Variants in FREM1 observed in about 807,000 individuals in gnomAD.
FREM1 encodes FRAS1 related extracellular matrix 1, also known as FRAS1-related extracellular matrix protein 1.
In FREM1, 220 loss-of-function variants were observed where a neutral mutation model predicts 210.1. That is an observed-to-expected ratio of 1.05 (90% confidence interval 0.94 to 1.17). The LOEUF (loss-of-function observed/expected upper bound fraction) is 1.17. FREM1 is among the 50% of genes most tolerant of loss of function. FREM1 has a pLI of 0.00. For synonymous variants in FREM1, 1,189 were observed against 980.2 expected (o/e 1.21, Z -3.98); for missense variants, 3,454 against 2,675.5 (o/e 1.29, Z -6.42).
chr9:14,863,838 A>C lies in FREM1; in HGVS notation c.300T>G (p.Asp100Glu), dbSNP rs777278448. The C allele has an allele frequency of 6.2e-7, 1 of 1,613,262 alleles. No individual in the cohort carries two copies. The highest frequency in any genetic ancestry group is 8.5e-7 in the Non-Finnish European group (1 of 1,179,250). ...AAAGTCTGAGCTTCACTGTGTCTTC[A>C]TCAAGAATTGGACAACCATTGTGAA... The part of the protein sequence containing the change: ...KYVHNGCPIL[D>E]EDTVKLRLYR... The change falls in exon 3 of 37, where the codon GAT (aspartate) becomes GAG (glutamate). Residue 100 changes from aspartate to glutamate, a missense_variant. By Grantham distance (45) the Asp-to-Glu change is conservative. Transcript: ENST00000380880.
intron 22 of FREM1, among the ~76,000 whole-genome samples, chr9:14,791,928 C>T (rs373032431): frequency 3.3e-5 from 5 of 152,062 alleles, no homozygotes; most frequent in East Asian, 1.9e-4. Flanking sequence ...TCCCCCCTCT[C>T]CCGGGTTCAA....
intron 15 of FREM1, among the ~76,000 whole-genome samples, chr9:14,815,955 G>A (rs946252671): frequency 1.8e-4 from 28 of 152,008 alleles, no homozygotes; most frequent in African/African-American, 6.5e-4. Flanking sequence ...CTCTGCACTC[G>A]AATTTTATGT....
chr9:14,831,469 A>T (rs1823542467), intron 10 of FREM1, among the ~76,000 whole-genome samples: 1 of 152,216 alleles, frequency 6.6e-6, no homozygotes, highest in African/African-American at 2.4e-5. Flanking sequence ...CGTCTTCTGC[A>T]GCCAAATTTT....
chr9:14,782,514 G>C (rs1264145301), intron 24 of FREM1, among the ~76,000 whole-genome samples: 1 of 152,166 alleles, frequency 6.6e-6, no homozygotes, highest in Non-Finnish European at 1.5e-5. Context: ...GAAGCTAGAA[G>C]TTCCAGAAAT....
At chr9:14,861,597 C>T (rs566927235) in intron 3 of FREM1, among the ~76,000 whole-genome samples, 1 of 150,476 alleles carries the variant, frequency 6.6e-6, no homozygotes, top group East Asian at 1.9e-4. Context: ...ACCTCTGCCT[C>T]CCAGGTTCAA....
Position 14,906,861 on chromosome 9 carries a change from C to T in FREM1, c.-268+3053G>A, listed in dbSNP as rs373426137. ...CCCAGTAAAGGACTTGAGGCTCAGT[C>T]GCTCCCTGGGCATTTATCTGTCCTT... On this transcript the variant is annotated intron_variant, in intron 1 of 36. Coordinates refer to ENST00000380880, the MANE Select transcript of FREM1 (RefSeq NM_001379081.2). Among the ~76,000 whole-genome samples the T allele has an allele frequency of 8.5e-5, 13 of 152,286 alleles. No individual in the cohort carries two copies. The East Asian group carries it at 1.2e-3, about 14-fold the overall frequency.
In FREM1 at chr9:14,788,900, T is replaced by G. The variant is rs749615938; in HGVS notation, c.4177+19A>C. The G allele has an allele frequency of 6.2e-7, 1 of 1,600,388 alleles. No individual in the cohort carries two copies. The highest frequency in any genetic ancestry group is 1.3e-5 in the African/African-American group (1 of 74,842). Reference sequence around the variant, plus strand: ...TTAGCAAAGTTGATCCCAGTAAACCTTGGTAGACGTGCTTTTACCTTTTTC... The same window carrying G: ...TTAGCAAAGTTGATCCCAGTAAACCGTGGTAGACGTGCTTTTACCTTTTTC... On this transcript the variant is annotated intron_variant, in intron 23 of 36. Transcript: ENST00000380880.
chr9:14,890,747 G>A (rs1836670972), intron 1 of FREM1, among the ~76,000 whole-genome samples: 1 of 152,110 alleles, frequency 6.6e-6, no homozygotes, highest in South Asian at 2.1e-4. Flanking sequence ...TTTCTACAGA[G>A]GCCTTCTACT....
intron 35 of FREM1, among the ~76,000 whole-genome samples, chr9:14,742,162 T>C (rs1841688771): frequency 6.6e-6 from 1 of 152,180 alleles, no homozygotes; most frequent in Non-Finnish European, 1.5e-5. Context: ...TATAAAATTA[T>C]AAATAGGTAC....
intron 1 of FREM1, among the ~76,000 whole-genome samples, chr9:14,895,794 C>T (rs1837611033): frequency 6.6e-6 from 1 of 151,940 alleles, no homozygotes. Flanking sequence ...CCTCTCTACC[C>T]AAATACAAGA....
chr9:14,814,861 T>C (rs1272093753), intron 15 of FREM1, among the ~76,000 whole-genome samples: 1 of 152,240 alleles, frequency 6.6e-6, no homozygotes. Flanking sequence ...CATCCTCTTG[T>C]GTTTAAAAAG....
chr9:14,824,971 G>C lies in FREM1; in HGVS notation c.1903C>G (p.Pro635Ala), dbSNP rs1588191066. The C allele has an allele frequency of 2.5e-6, 4 of 1,589,872 alleles. No homozygotes were observed. The highest frequency in any genetic ancestry group is 1.2e-5 in the South Asian group (1 of 84,576). ...VPQVATIHITPVDDQLPKEAP... is the reference protein window; with the variant it reads ...VPQVATIHITAVDDQLPKEAP... ...TCTTTTGGAAGCTGGTCATCCACTG[G>C]AGTTATATGGATTGTTGCCACCTGG... Residue 635 changes from proline to alanine, a missense_variant, in exon 11 of 37, where the codon CCA becomes GCA. Physicochemically the swap from Pro to Ala is conservative, Grantham distance 27 (BLOSUM62 -1). Coordinates refer to ENST00000380880, the MANE Select transcript of FREM1 (RefSeq NM_001379081.2).
At chr9:14,818,885 T>C (rs772265602) in intron 14 of FREM1, among the ~76,000 whole-genome samples, 6 of 152,230 alleles carry the variant, frequency 3.9e-5, no homozygotes, top group Non-Finnish European at 7.3e-5. Flanking sequence ...AGTTCAATTA[T>C]GTACATTAGC....
At chr9:14,885,526 C>T (rs1835655502) in intron 1 of FREM1, among the ~76,000 whole-genome samples, 1 of 152,170 alleles carries the variant, frequency 6.6e-6, no homozygotes, top group African/African-American at 2.4e-5. Context: ...CTCAAGCAAG[C>T]CTCAGCTCCA....
chr9:14,902,100 C>T (rs757430316), intron 1 of FREM1, among the ~76,000 whole-genome samples: 4 of 151,948 alleles, frequency 2.6e-5, no homozygotes, highest in Non-Finnish European at 4.4e-5. Context: ...CCTGCCTTGG[C>T]CTCCCGAAGT....
At chr9:14,799,042 G>T (rs1236574743) in intron 20 of FREM1, among the ~76,000 whole-genome samples, 1 of 152,136 alleles carries the variant, frequency 6.6e-6, no homozygotes, top group Non-Finnish European at 1.5e-5. Context: ...ACTTTGGAAG[G>T]CGAGTGCAGG....
In FREM1 at chr9:14,764,826, G is replaced by C. The variant is rs10961695; in HGVS notation, c.5204+4898C>G. On this transcript the variant is annotated intron_variant, in intron 27 of 36. Transcript: ENST00000380880. Reference sequence around the variant, plus strand: ...ACTTGATTCATTTATGATGAAACAAGAAGCTGAAAGAAATACCTGGAGTTA... The same window carrying C: ...ACTTGATTCATTTATGATGAAACAACAAGCTGAAAGAAATACCTGGAGTTA... Among the ~76,000 whole-genome samples the C allele has an allele frequency of 4.6e-3, 704 of 152,288 alleles. 9 individuals are homozygous for C. The highest frequency in any genetic ancestry group is 0.037 in the East Asian group (190 of 5,176).
At chr9:14,807,852 G>T in intron 17 of FREM1, 88 bp downstream of exon 17, 2 of 900,838 alleles carry the variant, frequency 2.2e-6, no homozygotes, top group South Asian at 2.8e-5. Context: ...TTTCTTTTTA[G>T]ACTATAAATG....
chr9:14,745,239 C>T (rs920500468), intron 35 of FREM1, among the ~76,000 whole-genome samples: 2 of 152,102 alleles, frequency 1.3e-5, no homozygotes, highest in Non-Finnish European at 2.9e-5. Context: ...AGGTAACAAG[C>T]CTGCACATTT....
Sources: allele counts gnomAD v4.1 joint callset (sites outside exome capture counted in the v4.1 genomes callset), GRCh38; gene constraint gnomAD v4.1.1; transcripts MANE v1.5; gene names NCBI Gene and HGNC (gene_info 2026-07-23, HGNC 2026-07-21).